The following NR5A2 variants were observed in gnomAD, a reference collection of about 807,000 sequenced individuals.
NR5A2 encodes nuclear receptor subfamily 5 group A member 2.
Under a neutral mutation model 62.7 loss-of-function variants are expected in NR5A2, and 26 were observed. That is an observed-to-expected ratio of 0.41 (90% CI 0.30 to 0.58). The LOEUF (loss-of-function observed/expected upper bound fraction) is 0.58. Among genes scored for constraint, NR5A2 ranks in the 20% least tolerant of loss-of-function variants. NR5A2 has a pLI of 0.22. For synonymous variants in NR5A2, 246 were observed against 241.7 expected, an observed-to-expected ratio of 1.02 and a Z score of -0.16; for missense variants, 541 against 669.1, an observed-to-expected ratio of 0.81 and a Z score of 2.11.
chr1:200,044,322 A>C (rs1662259056), intron 3 of NR5A2: 1 of 152,332 alleles, frequency 6.6e-6, no homozygotes, highest in Non-Finnish European at 1.5e-5. Flanking sequence ...ACAGACATAA[A>C]AGCCTAAATT....
In NR5A2 at chr1:200,173,936, CTTTTTTTT is replaced by C. The variant is rs3034024; in HGVS notation, c.1379-15_1379-8del. 3.8e-5 allele frequency: 47 copies of C among 1,237,446 alleles called. No individual in the cohort carries two copies. The highest frequency in any genetic ancestry group is 3.0e-4 in the South Asian group (12 of 40,112). The allele number at this position is 1,237,446 out of a possible 1,614,324, so 76.7% of individuals were successfully genotyped here. A position where few individuals can be genotyped will look rare whatever the true frequency, so the allele number is the denominator to read the frequency against. ...GAATTGAAATGCTATTGAAATGTTG[CTTTTTTTT>C]TTTTTTTTTTTAATGCAGATGTCAA... On this transcript the variant is annotated intron_variant, in intron 7 of 7. Transcript: ENST00000367362.
intron 5 of NR5A2, among the ~76,000 whole-genome samples, chr1:200,066,316 G>C (rs2737649): frequency 0.36 from 54,370 of 151,828 alleles, 11,399 homozygotes; most frequent in African/African-American, 0.59. Flanking sequence ...TTTGGCTTAA[G>C]CCTTTGGGAG....
chr1:200,164,526 A>T (rs1328849808), intron 7 of NR5A2, among the ~76,000 whole-genome samples: 1 of 150,768 alleles, frequency 6.6e-6, no homozygotes, highest in East Asian at 1.9e-4. Flanking sequence ...CATCTTAACC[A>T]CTTTTCCATA....
intron 7 of NR5A2, among the ~76,000 whole-genome samples, chr1:200,136,017 T>G (rs879789202): frequency 6.6e-6 from 1 of 152,228 alleles, no homozygotes; most frequent in African/African-American, 2.4e-5. Context: ...CCTTGATGTT[T>G]TGGAATATGT....
At chr1:200,112,263 G>A (rs1156990123) in intron 6 of NR5A2, among the ~76,000 whole-genome samples, 2 of 152,168 alleles carry the variant, frequency 1.3e-5, no homozygotes, top group Admixed American at 6.5e-5. Flanking sequence ...TTTGGAGAGA[G>A]TCTACTTAAT....
At chr1:200,158,710 C>T (rs1404782057) in intron 7 of NR5A2, among the ~76,000 whole-genome samples, 1 of 152,050 alleles carries the variant, frequency 6.6e-6, no homozygotes, top group Non-Finnish European at 1.5e-5. Flanking sequence ...AACTTCTTAT[C>T]CAAAATAAAC....
chr1:200,110,735 T>C (rs6658950), intron 5 of NR5A2, among the ~76,000 whole-genome samples: 7,001 of 152,238 alleles, frequency 0.046, 536 homozygotes, highest in African/African-American at 0.16. Context: ...CTAATTTTCT[T>C]TTATATGAAT....
chr1:200,143,573 G>A (rs1253010052), intron 7 of NR5A2, among the ~76,000 whole-genome samples: 1 of 151,428 alleles, frequency 6.6e-6, no homozygotes, highest in Non-Finnish European at 1.5e-5. Flanking sequence ...CCACACTTTA[G>A]GCCCCAACAC....
At chr1:200,161,061 G>A (rs1315528771) in intron 7 of NR5A2, among the ~76,000 whole-genome samples, 3 of 152,038 alleles carry the variant, frequency 2.0e-5, no homozygotes, top group Non-Finnish European at 4.4e-5. Flanking sequence ...TATGCTTTGG[G>A]AGCAGATGGT....
chr1:200,085,854 CA>C (rs1664500477), intron 5 of NR5A2, among the ~76,000 whole-genome samples: 1 of 152,150 alleles, frequency 6.6e-6, no homozygotes, highest in Non-Finnish European at 1.5e-5. Flanking sequence ...GAAACATCTG[CA>C]AAAGACCGAC....
intron 5 of NR5A2, among the ~76,000 whole-genome samples, chr1:200,067,966 T>C (rs113842393): frequency 1.5e-4 from 23 of 152,322 alleles, no homozygotes; most frequent in African/African-American, 4.8e-4. Context: ...TGTGAAATAT[T>C]ACCTTTAAAG....
intron 5 of NR5A2, among the ~76,000 whole-genome samples, chr1:200,072,233 C>A (rs1460152758): frequency 6.6e-6 from 1 of 152,004 alleles, no homozygotes; most frequent in Non-Finnish European, 1.5e-5. Flanking sequence ...TTTTAGAGAA[C>A]TTGTATTCCA....
intron 7 of NR5A2, among the ~76,000 whole-genome samples, chr1:200,128,455 T>C (rs1418870291): frequency 1.3e-5 from 2 of 152,230 alleles, no homozygotes; most frequent in Non-Finnish European, 2.9e-5. Context: ...TTGTCACCTC[T>C]TAGGTATGAC....
At chr1:200,145,535 T>A (rs1428219778) in intron 7 of NR5A2, among the ~76,000 whole-genome samples, 2 of 149,062 alleles carry the variant, frequency 1.3e-5, no homozygotes, top group African/African-American at 5.0e-5. Context: ...GACTCAACAT[T>A]TAAAATCAAG....
intron 7 of NR5A2, among the ~76,000 whole-genome samples, chr1:200,122,712 C>T (rs558645606): frequency 1.3e-5 from 2 of 152,294 alleles, no homozygotes; most frequent in South Asian, 4.1e-4. Flanking sequence ...GTTTCAGGAG[C>T]CCAGTACACC....
In NR5A2 at chr1:200,177,380, G is replaced by C. The variant is rs1043517339; in HGVS notation, c.*3170G>C. 1.3e-5 allele frequency: 2 copies of C among 151,954 alleles called. No homozygotes were observed. The highest frequency in any genetic ancestry group is 1.3e-4 in the Admixed American group (2 of 15,232). 9.4% of individuals were successfully genotyped at this position (151,954 alleles called of 1,614,324 possible). A position where few individuals can be genotyped will look rare whatever the true frequency, so the allele number is the denominator to read the frequency against. ...CAACAAAATGGAATTTTTTTTTTCA[G>C]TATTTCAATAAATATTGATATGCCC... On this transcript the variant is annotated 3_prime_UTR_variant, in exon 8 of 8. Coordinates refer to ENST00000367362, the MANE Select transcript of NR5A2 (RefSeq NM_205860.3).
intron 7 of NR5A2, among the ~76,000 whole-genome samples, chr1:200,153,101 T>C (rs886902733): frequency 1.3e-5 from 2 of 152,232 alleles, no homozygotes; most frequent in African/African-American, 4.8e-5. Flanking sequence ...TTATTCCTTT[T>C]GCTACTTTCC....
In NR5A2 at chr1:200,065,853, G is replaced by A. The variant is rs1039316514; in HGVS notation, c.1110+17035G>A. Reference sequence around the variant, plus strand: ...CTGGACACACAGCACTACAGGCACAGGAATAGCATATGCAAAAATCCTGAG... The same window carrying A: ...CTGGACACACAGCACTACAGGCACAAGAATAGCATATGCAAAAATCCTGAG... On this transcript the variant is annotated intron_variant, in intron 5 of 7. Transcript: ENST00000367362. Among the ~76,000 whole-genome samples, 8 of 152,190 alleles carry A rather than the reference G, an allele frequency of 5.3e-5. No homozygotes were observed. The East Asian group carries it at 1.5e-3, about 29-fold the overall frequency.
chr1:200,174,299 CTG>C lies in NR5A2; in HGVS notation c.*90_*91del. On this transcript the variant is annotated 3_prime_UTR_variant, in exon 8 of 8. Coordinates refer to ENST00000367362, the MANE Select transcript of NR5A2 (RefSeq NM_205860.3). ...GAAGAACAGGAAGAAAAAAAGTACT[CTG>C]AACTGCTCCAAGTAACGCTAATTAA... The C allele has an allele frequency of 7.3e-7, 1 of 1,369,446 alleles. No individual in the cohort carries two copies. The highest frequency in any genetic ancestry group is 1.9e-5 in the South Asian group (1 of 53,806). The allele number at this position is 1,369,446 out of a possible 1,614,324, so 84.8% of individuals were successfully genotyped here.
Sources: allele counts gnomAD v4.1 joint callset (sites outside exome capture counted in the v4.1 genomes callset), GRCh38; gene constraint gnomAD v4.1.1; transcripts MANE v1.5; gene names NCBI Gene and HGNC (gene_info 2026-07-23, HGNC 2026-07-21).